ZNF618: variants seen among roughly 807,000 people sequenced by gnomAD.
The protein encoded by ZNF618 is zinc finger protein 618.
ZNF618 carries 34 observed loss-of-function variants against 103.0 expected under a neutral mutation model. The ratio of observed to expected loss-of-function variants is 0.33; its 90% CI spans 0.25 to 0.44. ZNF618 has a LOEUF of 0.44. Among genes scored for constraint, ZNF618 ranks in the 20% least tolerant of loss-of-function variants. The probability of loss-of-function intolerance (pLI) is 1.00; values close to 1 mark genes in which losing one functional copy is unlikely to be tolerated. For missense variants in ZNF618, 1,059 were observed against 1,295.4 expected (o/e 0.82, Z 2.80); for synonymous variants, 551 against 542.2 (o/e 1.02, Z -0.23).
chr9:113,899,223 T>G (rs769652544), intron 1 of ZNF618, among the ~76,000 whole-genome samples: 20 of 152,146 alleles, frequency 1.3e-4, no homozygotes, highest in Non-Finnish European at 2.1e-4. Flanking sequence ...ACATTCACAT[T>G]GTTGGGCTAC....
At chr9:113,967,970 T>C (rs1313290919) in intron 1 of ZNF618, among the ~76,000 whole-genome samples, 1 of 152,174 alleles carries the variant, frequency 6.6e-6, no homozygotes, top group African/African-American at 2.4e-5. Flanking sequence ...CCGATTTGTT[T>C]GAATCGAAGT....
At chr9:113,915,641 A>G (rs1831998116) in intron 1 of ZNF618, among the ~76,000 whole-genome samples, 1 of 152,206 alleles carries the variant, frequency 6.6e-6, no homozygotes, top group African/African-American at 2.4e-5. Flanking sequence ...GGAAGCTGAA[A>G]ATATTAGGTG....
Position 114,049,928 on chromosome 9 carries a change from G to A in ZNF618, c.2626G>A (p.Asp876Asn), listed in dbSNP as rs1222785191. ...DDRLGKNEVY[D>N]YLQEPLFQAT... ...TCGGCTAGGCAAAAATGAAGTGTAC[G>A]ATTACCTGCAGGAGCCCCTCTTCCA... Residue 876 changes from aspartate (D) to asparagine (N), a missense_variant, in exon 15 of 15, where the codon GAT becomes AAT. Around this residue, in one of 6 missense-constraint regions of ZNF618, gnomAD observed 156 missense variants for 197.1 expected, o/e 0.79. Transcript: ENST00000374126. The A allele has an allele frequency of 1.9e-5, 31 of 1,613,796 alleles. No individual in the cohort carries two copies. Among genetic ancestry groups the A allele is most frequent in the African/African-American group, 4.0e-5 (3 of 74,940 alleles).
At chr9:114,048,229 TG>T (rs1845830746) in intron 14 of ZNF618, among the ~76,000 whole-genome samples, 1 of 152,186 alleles carries the variant, frequency 6.6e-6, no homozygotes. Context: ...AGCACCAATT[TG>T]TGGCAGAATC....
At chr9:113,957,037 A>G (rs1836374072) in intron 1 of ZNF618, among the ~76,000 whole-genome samples, 1 of 152,190 alleles carries the variant, frequency 6.6e-6, no homozygotes, top group Non-Finnish European at 1.5e-5. Context: ...ACCCAGTGAC[A>G]CATAGTATGT....
In ZNF618 at chr9:114,051,948, G is replaced by GT. The variant is rs1846165704; in HGVS notation, c.*1783dup. 1 of 152,388 alleles carries GT rather than the reference G, an allele frequency of 6.6e-6. No homozygotes were observed. Among genetic ancestry groups the GT allele is most frequent in the Non-Finnish European group, 1.5e-5 (1 of 68,040 alleles). The allele number at this position is 152,388 out of a possible 1,614,324, so 9.4% of individuals were successfully genotyped here. ...TGACCCTTAGCCGTGGGATGGGGTG[G>GT]TTACACTAAGGCTTCAAGCTGAGAA... On this transcript the variant is annotated 3_prime_UTR_variant, in exon 15 of 15. Transcript: ENST00000374126.
intron 13 of ZNF618, among the ~76,000 whole-genome samples, chr9:114,042,872 C>T (rs1171691964): frequency 6.6e-6 from 1 of 152,166 alleles, no homozygotes; most frequent in Non-Finnish European, 1.5e-5. Context: ...AAAGTTCCTT[C>T]ATGCCCCTTT....
intron 1 of ZNF618, among the ~76,000 whole-genome samples, chr9:113,909,041 A>G (rs1228498592): frequency 6.6e-6 from 1 of 151,736 alleles, no homozygotes; most frequent in Non-Finnish European, 1.5e-5. Flanking sequence ...TGGCCAAGTC[A>G]TTGCTGAGCT....
intron 14 of ZNF618, among the ~76,000 whole-genome samples, chr9:114,048,384 C>G (rs1845843684): frequency 6.6e-6 from 1 of 152,170 alleles, no homozygotes; most frequent in African/African-American, 2.4e-5. Flanking sequence ...CTTCAAAGAT[C>G]TAGGGGAATG....
rs1827917511 is a variant in ZNF618, at chr9:113,876,320, A to C, written c.-61A>C. 1.8e-6 allele frequency: 2 copies of C among 1,108,728 alleles called. No homozygotes were observed. Among genetic ancestry groups the C allele is most frequent in the Non-Finnish European group, 1.1e-6 (1 of 912,376 alleles). 68.7% of individuals were successfully genotyped at this position (1,108,728 alleles called of 1,614,324 possible). On this transcript the variant is annotated 5_prime_UTR_variant, in exon 1 of 15. Transcript: ENST00000374126. ...GCGGCGGCGGCGGCATTGTGCGCGC[A>C]CCAGCAGCCCGGCCCGGGAGGAGCA...
rs1449567015 is a variant in ZNF618, at chr9:114,048,907, G to A, written c.1605G>A (p.Val535=). The A allele has an allele frequency of 1.9e-6, 3 of 1,608,562 alleles. No individual in the cohort carries two copies. The highest frequency in any genetic ancestry group is 2.5e-6 in the Non-Finnish European group (3 of 1,177,544). ...HLPRMYNQVK[V]KVTCALGSNA... Reference sequence around the variant, plus strand: ...CACGCATGTACAACCAGGTGAAGGTGAAAGTGACCTGTGCCTTGGGCAGCA... The same window carrying A: ...CACGCATGTACAACCAGGTGAAGGTAAAAGTGACCTGTGCCTTGGGCAGCA... The change falls in exon 15 of 15, where the codon GTG becomes GTA. Residue 535 remains valine (V), a synonymous_variant. Transcript: ENST00000374126.
At chr9:113,876,449 G>A in intron 1 of ZNF618, 36 bp downstream of exon 1, 2 of 1,193,876 alleles carry the variant, frequency 1.7e-6, no homozygotes, top group Non-Finnish European at 2.1e-6. Flanking sequence ...ACCGCGCGGG[G>A]GACCCCGGGG....
intron 1 of ZNF618, among the ~76,000 whole-genome samples, chr9:113,878,144 G>GA (rs776419304): frequency 1.4e-5 from 2 of 147,310 alleles, no homozygotes; most frequent in African/African-American, 5.0e-5. Flanking sequence ...TTCAAAGGGG[G>GA]AAAAATCCAT....
rs527316137 is a variant in ZNF618, at chr9:113,970,156, G to A, written c.77+996G>A. On this transcript the variant is annotated intron_variant, in intron 2 of 14. Transcript: ENST00000374126. ...CAGATCTTTTAATATGCTAATGTGT[G>A]TGCTTGAGAAGAGAGAGCCAGAGAG... Among the ~76,000 whole-genome samples the A allele has an allele frequency of 2.6e-5, 4 of 152,282 alleles. No homozygotes were observed. The South Asian group carries it at 8.3e-4, about 32-fold the overall frequency.
chr9:114,039,540 AG>A (rs1459002126), intron 13 of ZNF618, among the ~76,000 whole-genome samples: 1 of 152,004 alleles, frequency 6.6e-6, no homozygotes, highest in African/African-American at 2.4e-5. Context: ...TAGTAGAGAC[AG>A]GGTTTCACCA....
At chr9:113,985,237 G>A (rs1309574857) in intron 2 of ZNF618, among the ~76,000 whole-genome samples, 1 of 152,170 alleles carries the variant, frequency 6.6e-6, no homozygotes, top group Non-Finnish European at 1.5e-5. Context: ...TTTGAGATTT[G>A]ACCCTAGGAT....
Position 114,008,376 on chromosome 9 carries a change from G to A in ZNF618, c.673G>A (p.Ala225Thr). The A allele has an allele frequency of 8.1e-6, 13 of 1,613,996 alleles. No homozygotes were observed. The highest frequency in any genetic ancestry group is 1.0e-5 in the Non-Finnish European group (12 of 1,179,880). The change falls in exon 8 of 15, where the codon GCA becomes ACA. Residue 225 changes from alanine to threonine, a missense_variant. Around this residue, in one of 6 missense-constraint regions of ZNF618, gnomAD observed 434 missense variants for 476.0 expected, o/e 0.91. Coordinates refer to ENST00000374126, the MANE Select transcript of ZNF618 (RefSeq NM_001318042.2). The stretch of plus-strand genomic sequence containing the variant: ...TGTGGAAGGGGCCCCTGAGAACCGG[G>A]CAGGTAAGTCCTTGGTGTCTGCTTG... ...FSVEGAPENR[A>T]DPFDQGVVAT...
At chr9:113,973,834 T>G (rs1184010534) in intron 2 of ZNF618, among the ~76,000 whole-genome samples, 1 of 152,256 alleles carries the variant, frequency 6.6e-6, no homozygotes, top group Non-Finnish European at 1.5e-5. Context: ...GAAAATCTAG[T>G]CCAGCCCTTT....
intron 2 of ZNF618, among the ~76,000 whole-genome samples, chr9:113,973,069 T>A (rs1838137673): frequency 6.6e-6 from 1 of 151,960 alleles, no homozygotes; most frequent in East Asian, 1.9e-4. Context: ...AGAGTAAGAC[T>A]CTGTCTCAAA....
Sources: gnomAD v4.1 joint callset for allele counts (sites outside exome capture counted in the v4.1 genomes callset) on GRCh38, gnomAD v4.1.1 for gene constraint, gnomAD v4.1.1 regional missense constraint, MANE v1.5 for transcripts, NCBI Gene and HGNC (gene_info 2026-07-23, HGNC 2026-07-21) for gene names.